The following ADAM21 variants were observed in gnomAD, a reference collection of about 807,000 sequenced individuals.
The protein encoded by ADAM21 is disintegrin and metalloproteinase domain-containing protein 21.
For missense variants in ADAM21, 678 were observed against 874.4 expected (o/e 0.78, Z 2.83); for synonymous variants, 262 against 306.0 (o/e 0.86, Z 1.50).
At position 70,458,832 on chromosome 14, in the gene ADAM21, G is replaced by C. The variant is rs776955227; in HGVS notation, c.1333G>C (p.Ala445Pro). 1.6e-4 allele frequency: 254 copies of C among 1,614,174 alleles called. 1 individual carries two copies. In the South Asian group the frequency reaches 2.3e-3, roughly 15 times the overall value. ...LLNCTLRPGA[A>P]CAFGLCCKDC... Reference sequence around the variant, plus strand: ...GAACTGCACTCTAAGGCCTGGGGCTGCCTGTGCTTTTGGGCTTTGTTGCAA... The same window carrying C: ...GAACTGCACTCTAAGGCCTGGGGCTCCCTGTGCTTTTGGGCTTTGTTGCAA... Residue 445 changes from alanine to proline, a missense_variant, in exon 2 of 2, where the codon GCC becomes CCC. Physicochemically the swap from Ala to Pro is conservative, Grantham distance 27. Transcript: ENST00000603540.
chr14:70,459,761 C>T lies in ADAM21; in HGVS notation c.*93C>T, dbSNP rs1168350848. 4.9e-6 allele frequency: 7 copies of T among 1,439,652 alleles called. No homozygotes were observed. The highest frequency in any genetic ancestry group is 4.2e-5 in the Admixed American group (2 of 47,962). The allele number at this position is 1,439,652 out of a possible 1,614,324, so 89.2% of individuals were successfully genotyped here. A position where few individuals can be genotyped will look rare whatever the true frequency, so the allele number is the denominator to read the frequency against. ...TACATCCCTGAAACTGAGCACATTT[C>T]TGACCATTTCCAGAAAGCTGCAAAG... On this transcript the variant is annotated 3_prime_UTR_variant, in exon 2 of 2. Coordinates refer to ENST00000603540, the MANE Select transcript of ADAM21 (RefSeq NM_003813.4).
In ADAM21 at chr14:70,458,818, T is replaced by C. The variant is rs1201806743; in HGVS notation, c.1319T>C (p.Leu440Pro). 1.9e-6 allele frequency: 3 copies of C among 1,614,212 alleles called. No homozygotes were observed. In the Admixed American group the frequency reaches 5.0e-5, roughly 27 times the overall value. The change falls in exon 2 of 2, where the codon CTA becomes CCA. Residue 440 changes from leucine to proline, a missense_variant. Physicochemically the swap from Leu to Pro is moderately conservative, Grantham distance 98. Coordinates refer to ENST00000603540, the MANE Select transcript of ADAM21 (RefSeq NM_003813.4). ...QDACCLLNCT[L>P]RPGAACAFGL... is the part of the protein sequence containing the mutation. ...GCCTGTTGTCTGTTGAACTGCACTC[T>C]AAGGCCTGGGGCTGCCTGTGCTTTT...
At position 70,458,905 on chromosome 14, in the gene ADAM21, A is replaced by G. The variant is rs1280236730; in HGVS notation, c.1406A>G (p.Asn469Ser). The G allele has an allele frequency of 6.2e-7, 1 of 1,614,190 alleles. No individual in the cohort carries two copies. Among genetic ancestry groups the G allele is most frequent in the East Asian group, 2.2e-5 (1 of 44,882 alleles). The change falls in exon 2 of 2, where the codon AAT becomes AGT. Residue 469 changes from asparagine to serine, a missense_variant. By Grantham distance (46) the Asn-to-Ser change is conservative. Coordinates refer to ENST00000603540, the MANE Select transcript of ADAM21 (RefSeq NM_003813.4). ...PSGELCRQEV[N>S]ECDLPEWCNG... The stretch of plus-strand genomic sequence containing the variant: ...GGGGAACTCTGTAGACAAGAGGTCA[A>G]TGAATGTGACCTTCCAGAATGGTGC...
chr14:70,456,103 C>G (rs561922619), intron 1 of ADAM21, among the ~76,000 whole-genome samples: 1 of 152,086 alleles, frequency 6.6e-6, no homozygotes, highest in South Asian at 2.1e-4. Flanking sequence ...TTTTGACAGT[C>G]ATTTGAGACT....
In ADAM21 at chr14:70,457,392, G is replaced by A; in HGVS notation, c.-108G>A. The A allele has an allele frequency of 3.2e-6, 5 of 1,543,468 alleles. No homozygotes were observed. The highest frequency in any genetic ancestry group is 4.4e-6 in the Non-Finnish European group (5 of 1,129,850). ...ACTCTGCCAGGACACAGATCCACAG[G>A]GTCAGCCCTGCATCCTGAGCAGCTT... On this transcript the variant is annotated 5_prime_UTR_variant, in exon 2 of 2. Transcript: ENST00000603540.
At chr14:70,456,425 A>C (rs61979107) in intron 1 of ADAM21, among the ~76,000 whole-genome samples, 37 of 152,276 alleles carry the variant, frequency 2.4e-4, no homozygotes, top group Admixed American at 7.8e-4. Flanking sequence ...TGGTAAATAT[A>C]TTTGAGCAAA....
chr14:70,456,905 A>G (rs1882418895), intron 1 of ADAM21, among the ~76,000 whole-genome samples: 1 of 152,248 alleles, frequency 6.6e-6, no homozygotes. Context: ...TAAAGAAACT[A>G]AAGTATATCA....
intron 1 of ADAM21, among the ~76,000 whole-genome samples, chr14:70,452,514 C>T (rs1361161748): frequency 2.0e-5 from 3 of 152,072 alleles, no homozygotes; most frequent in Admixed American, 6.5e-5. Flanking sequence ...TGCAGGTGCC[C>T]GCCACCACGC....
intron 1 of ADAM21, among the ~76,000 whole-genome samples, chr14:70,457,017 C>T (rs1362576575): frequency 2.0e-5 from 3 of 152,198 alleles, no homozygotes; most frequent in African/African-American, 7.2e-5. Context: ...GGGCAACAGG[C>T]ATAAACTAAT....
Position 70,457,329 on chromosome 14 carries a change from C to A in ADAM21, c.-151-20C>A. ...CTTACTTATCACCTTTCCAACCCAT[C>A]TTTTTATTTTTACTTCCAGCACTGC... On this transcript the variant is annotated intron_variant, in intron 1 of 1. Transcript: ENST00000603540. The A allele has an allele frequency of 3.1e-6, 3 of 973,572 alleles. No homozygotes were observed. The highest frequency in any genetic ancestry group is 4.6e-6 in the Non-Finnish European group (3 of 658,984). 60.3% of individuals were successfully genotyped at this position (973,572 alleles called of 1,614,324 possible).
Position 70,457,731 on chromosome 14 carries a change from G to A in ADAM21, c.232G>A (p.Val78Ile), listed in dbSNP as rs1382029069. The A allele has an allele frequency of 1.2e-6, 2 of 1,613,630 alleles. No homozygotes were observed. The highest frequency in any genetic ancestry group is 1.7e-5 in the Admixed American group (1 of 59,994). Residue 78 changes from valine to isoleucine, a missense_variant, in exon 2 of 2, where the codon GTC becomes ATC. Coordinates refer to ENST00000603540, the MANE Select transcript of ADAM21 (RefSeq NM_003813.4). ...CCAGAAACACGTTGTTCATATGAGGGTCAAGAAGCTCTTAGTTTCTAGACA... is the reference window on the plus strand; with the variant it reads ...CCAGAAACACGTTGTTCATATGAGGATCAAGAAGCTCTTAGTTTCTAGACA... The part of the protein sequence containing the change: ...GGQKHVVHMR[V>I]KKLLVSRHLP...
chr14:70,458,079 G>A lies in ADAM21; in HGVS notation c.580G>A (p.Ala194Thr), dbSNP rs568815072. ...GGAATTTGAAGAGGCTGAGAACTCA[G>A]CTCTGGAACCAAAATCTGCTGGTGA... is the stretch of plus-strand genomic sequence containing the variant. ...QLEFEEAENS[A>T]LEPKSAGDWW... The change falls in exon 2 of 2, where the codon GCT becomes ACT. Residue 194 changes from alanine to threonine, a missense_variant. By Grantham distance (58) the Ala-to-Thr change is moderately conservative. Transcript: ENST00000603540. 1 of 1,614,090 alleles carries A rather than the reference G, an allele frequency of 6.2e-7. No homozygotes were observed. Among genetic ancestry groups the A allele is most frequent in the Non-Finnish European group, 8.5e-7 (1 of 1,180,016 alleles).
In ADAM21 at chr14:70,459,293, G is replaced by A. The variant is rs746416197; in HGVS notation, c.1794G>A (p.Arg598=). 2 of 1,614,202 alleles carry A rather than the reference G, an allele frequency of 1.2e-6. No homozygotes were observed. Among genetic ancestry groups the A allele is most frequent in the Middle Eastern group, 1.7e-4 (1 of 6,060 alleles). The change falls in exon 2 of 2, where the codon AGG becomes AGA. Residue 598 remains arginine, a synonymous_variant. Transcript: ENST00000603540. The stretch of plus-strand genomic sequence containing the variant: ...GCTGGGGTATTGACTATCATTTAAG[G>A]ATGAACATATCTGACATTGGTGAAG... ...VTCWGIDYHL[R]MNISDIGEVK... is the part of the protein sequence containing the mutation.
Position 70,457,345 on chromosome 14 carries a change from C to A in ADAM21, c.-151-4C>A. 2.8e-6 allele frequency: 3 copies of A among 1,089,196 alleles called. No individual in the cohort carries two copies. The highest frequency in any genetic ancestry group is 2.6e-6 in the Non-Finnish European group (2 of 759,900). 67.5% of individuals were successfully genotyped at this position (1,089,196 alleles called of 1,614,324 possible). ...CCAACCCATCTTTTTATTTTTACTT[C>A]CAGCACTGCAGTTCTGATCTAACTC... On this transcript the variant is annotated splice_polypyrimidine_tract_variant and splice_region_variant and intron_variant, in intron 1 of 1. Transcript: ENST00000603540.
At position 70,457,400 on chromosome 14, in the gene ADAM21, C is replaced by A; in HGVS notation, c.-100C>A. 3.2e-6 allele frequency: 5 copies of A among 1,567,640 alleles called. No homozygotes were observed. Among genetic ancestry groups the A allele is most frequent in the Non-Finnish European group, 4.4e-6 (5 of 1,148,186 alleles). ...AGGACACAGATCCACAGGGTCAGCC[C>A]TGCATCCTGAGCAGCTTAGAGGGAG... On this transcript the variant is annotated 5_prime_UTR_variant, in exon 2 of 2. It adds an upstream start codon to the 5' untranslated region. Coordinates refer to ENST00000603540, the MANE Select transcript of ADAM21 (RefSeq NM_003813.4).
Position 70,458,709 on chromosome 14 carries a change from T to C in ADAM21, c.1210T>C (p.Phe404Leu). The change falls in exon 2 of 2, where the codon TTT becomes CTT. Residue 404 changes from phenylalanine (F) to leucine (L), a missense_variant. Phe to Leu is a conservative substitution (Grantham distance 22). Transcript: ENST00000603540. ...TAATCCTCCAAGATTGGGGGAAATC[T>C]TTATGCTAAAGCGCTGTGGGAATGG... ...LHNPPRLGEIFMLKRCGNGVV... is the reference protein window; with the variant it reads ...LHNPPRLGEILMLKRCGNGVV... 6.2e-7 allele frequency: 1 copy of C among 1,614,050 alleles called. No individual in the cohort carries two copies. Among genetic ancestry groups the C allele is most frequent in the Non-Finnish European group, 8.5e-7 (1 of 1,179,998 alleles).
chr14:70,457,758 C>A lies in ADAM21; in HGVS notation c.259C>A (p.Leu87Ile). Residue 87 changes from leucine (L) to isoleucine (I), a missense_variant, in exon 2 of 2, where the codon CTC (leucine) becomes ATC (isoleucine). Leu to Ile is a conservative substitution (Grantham distance 5). Coordinates refer to ENST00000603540, the MANE Select transcript of ADAM21 (RefSeq NM_003813.4). The stretch of plus-strand genomic sequence containing the variant: ...CAAGAAGCTCTTAGTTTCTAGACAC[C>A]TCCCAGTGTTCACCTACACAGATGA... ...RVKKLLVSRH[L>I]PVFTYTDDRA... 6.2e-7 allele frequency: 1 copy of A among 1,613,194 alleles called. No individual in the cohort carries two copies. The highest frequency in any genetic ancestry group is 8.5e-7 in the Non-Finnish European group (1 of 1,179,704).
chr14:70,458,321 G>C lies in ADAM21; in HGVS notation c.822G>C (p.Gln274His), dbSNP rs199570760. ...TTTTCCCAATGACAAGCATAGAACAGGTCCTGAACGATTTCTCTCAATGGA... is the reference window on the plus strand; with the variant it reads ...TTTTCCCAATGACAAGCATAGAACACGTCCTGAACGATTTCTCTCAATGGA... Reference protein sequence around the residue: ...GNVFPMTSIEQVLNDFSQWKQ... With the variant: ...GNVFPMTSIEHVLNDFSQWKQ... Residue 274 changes from glutamine to histidine, a missense_variant, in exon 2 of 2, where the codon CAG becomes CAC. Physicochemically the swap from Gln to His is conservative, Grantham distance 24 (BLOSUM62 0). Coordinates refer to ENST00000603540, the MANE Select transcript of ADAM21 (RefSeq NM_003813.4). 6.2e-7 allele frequency: 1 copy of C among 1,614,096 alleles called. No individual in the cohort carries two copies. Among genetic ancestry groups the C allele is most frequent in the East Asian group, 2.2e-5 (1 of 44,882 alleles).
At chr14:70,457,102 T>C (rs896562627) in intron 1 of ADAM21, among the ~76,000 whole-genome samples, 3 of 152,236 alleles carry the variant, frequency 2.0e-5, no homozygotes, top group South Asian at 4.1e-4. Flanking sequence ...CTTTTTATTA[T>C]GGACATTCCA....
Sources: gnomAD v4.1 joint callset for allele counts (sites outside exome capture counted in the v4.1 genomes callset) on GRCh38, gnomAD v4.1.1 for gene constraint, MANE v1.5 for transcripts, NCBI Gene and HGNC (gene_info 2026-07-23, HGNC 2026-07-21) for gene names.